The following DSCAM variants were observed in gnomAD, a reference collection of about 807,000 sequenced individuals.
DSCAM encodes the protein DS cell adhesion molecule.
A neutral mutation model predicts 217.7 loss-of-function variants in DSCAM; 47 were observed. The ratio of observed to expected loss-of-function variants is 0.22; its 90% CI spans 0.17 to 0.28. The LOEUF (loss-of-function observed/expected upper bound fraction) is 0.28. Ranked by LOEUF, DSCAM falls within the 10% of genes least tolerant of loss-of-function variation. The pLI is 1.00. For synonymous variants in DSCAM, 1,056 were observed against 1,015.3 expected (o/e 1.04, Z -0.76); for missense variants, 2,080 against 2,618.3 (o/e 0.79, Z 4.49).
rs368948095 is a variant in DSCAM at position 40,014,586 on chromosome 21, A to T, written c.5687-1200T>A. ...GGCATCCTTTGCTCAGGGATACCCC[A>T]TCAGCCTCACTGCAGCCTTCTCAGA... On this transcript the variant is annotated intron_variant, in intron 32 of 32. Coordinates refer to ENST00000400454, the MANE Select transcript of DSCAM (RefSeq NM_001389.5). 1.4e-4 allele frequency among the ~76,000 whole-genome samples: 21 copies of T among 152,224 alleles called. No individual in the cohort carries two copies. In the South Asian group the frequency reaches 4.4e-3, roughly 32 times the overall value.
At chr21:40,600,406 A>G (rs2077053484) in intron 3 of DSCAM, among the ~76,000 whole-genome samples, 1 of 152,094 alleles carries the variant, frequency 6.6e-6, no homozygotes, top group South Asian at 2.1e-4. Context: ...GGTCTTTATT[A>G]TATGGGCACT....
intron 3 of DSCAM, among the ~76,000 whole-genome samples, chr21:40,473,041 TGAG>T (rs1233394575): frequency 2.6e-5 from 4 of 152,194 alleles, no homozygotes; most frequent in African/African-American, 7.2e-5. Flanking sequence ...CGGATTTATT[TGAG>T]GAGAAGTATC....
At chr21:40,323,867 G>A (rs2074286799) in intron 8 of DSCAM, among the ~76,000 whole-genome samples, 5 of 152,080 alleles carry the variant, frequency 3.3e-5, no homozygotes, top group Admixed American at 2.0e-4. Flanking sequence ...ACTTTGGGAG[G>A]CTGAGGTGGG....
intron 27 of DSCAM, among the ~76,000 whole-genome samples, chr21:40,070,059 C>A (rs2089268662): frequency 1.3e-5 from 2 of 151,876 alleles, no homozygotes; most frequent in Non-Finnish European, 2.9e-5. Context: ...TCCCCCTCAC[C>A]CCCATGCTCT....
chr21:40,799,591 G>T (rs923507285), intron 1 of DSCAM, among the ~76,000 whole-genome samples: 4 of 152,162 alleles, frequency 2.6e-5, no homozygotes, highest in Non-Finnish European at 5.9e-5. Flanking sequence ...GGAACATGGG[G>T]AATATCTGAT....
At chr21:40,273,463 G>A (rs898252344) in intron 11 of DSCAM, among the ~76,000 whole-genome samples, 1 of 152,118 alleles carries the variant, frequency 6.6e-6, no homozygotes, top group Non-Finnish European at 1.5e-5. Context: ...TCTCCTCCAT[G>A]TACTGTAGAA....
At chr21:40,350,342 T>C (rs376465995) in intron 5 of DSCAM, among the ~76,000 whole-genome samples, 9 of 152,248 alleles carry the variant, frequency 5.9e-5, no homozygotes, top group Non-Finnish European at 1.0e-4. Flanking sequence ...ACTATCAGAA[T>C]GAACAGGCAA....
chr21:40,428,122 C>T (rs1054080011), intron 3 of DSCAM, among the ~76,000 whole-genome samples: 1 of 152,090 alleles, frequency 6.6e-6, no homozygotes, highest in African/African-American at 2.4e-5. Context: ...TTGGCATGTT[C>T]AACACCAAAG....
intron 3 of DSCAM, among the ~76,000 whole-genome samples, chr21:40,687,505 G>A (rs1302407846): frequency 3.3e-5 from 5 of 152,030 alleles, no homozygotes; most frequent in Middle Eastern, 6.8e-3. Flanking sequence ...CAAAGCAGAG[G>A]CCCCCCACAG....
At chr21:40,766,859 T>C (rs1204332647) in intron 1 of DSCAM, among the ~76,000 whole-genome samples, 2 of 151,984 alleles carry the variant, frequency 1.3e-5, no homozygotes, top group South Asian at 2.1e-4. Context: ...CTAATTTTTA[T>C]ATTTTTAGTA....
intron 20 of DSCAM, among the ~76,000 whole-genome samples, chr21:40,098,025 G>T (rs2089705396): frequency 2.2e-5 from 3 of 137,958 alleles, no homozygotes; most frequent in East Asian, 2.1e-4. Flanking sequence ...AAATGTACTT[G>T]AAATATAAAA....
chr21:40,218,106 G>A (rs2091259614), intron 11 of DSCAM, among the ~76,000 whole-genome samples: 1 of 152,060 alleles, frequency 6.6e-6, no homozygotes, highest in Non-Finnish European at 1.5e-5. Flanking sequence ...TGCCTAGGTT[G>A]TCTTCCAGGG....
At chr21:40,648,592 C>T (rs1450448615) in intron 3 of DSCAM, among the ~76,000 whole-genome samples, 1 of 152,084 alleles carries the variant, frequency 6.6e-6, no homozygotes, top group Non-Finnish European at 1.5e-5. Context: ...TTGATCCCCA[C>T]CCTTCATCTA....
At chr21:40,178,024 G>A (rs1036484627) in intron 15 of DSCAM, among the ~76,000 whole-genome samples, 1 of 151,954 alleles carries the variant, frequency 6.6e-6, no homozygotes, top group Admixed American at 6.6e-5. Flanking sequence ...GAAGAGGTAG[G>A]TTTGGGAGCT....
intron 8 of DSCAM, 86 bp from the exon 9 acceptor site, chr21:40,312,445 A>G: frequency 7.0e-7 from 1 of 1,438,188 alleles, no homozygotes; most frequent in Non-Finnish European, 9.4e-7. Flanking sequence ...CTGAAAGGGT[A>G]GTACAGACGA....
At position 40,600,355 on chromosome 21, in the gene DSCAM, C is replaced by G. The variant is rs541094174; in HGVS notation, c.508+92455G>C. Among the ~76,000 whole-genome samples the G allele has an allele frequency of 1.3e-5, 2 of 152,236 alleles. 1 individual carries two copies. Among genetic ancestry groups the G allele is most frequent in the South Asian group, 4.2e-4 (2 of 4,818 alleles). On this transcript the variant is annotated intron_variant, in intron 3 of 32. Transcript: ENST00000400454. The stretch of plus-strand genomic sequence containing the variant: ...TCTGGTTCATAGATGGTGATTCTTG[C>G]TACGTCCTCACATGGTGGAAGAGAC...
intron 3 of DSCAM, among the ~76,000 whole-genome samples, chr21:40,450,690 G>C (rs527802313): frequency 6.6e-6 from 1 of 152,142 alleles, no homozygotes; most frequent in Non-Finnish European, 1.5e-5. Flanking sequence ...AGGGCTCACA[G>C]GGTCTATGTT....
rs918093483 is a variant in DSCAM at position 40,669,497 on chromosome 21, A to C, written c.508+23313T>G. 3.3e-5 allele frequency among the ~76,000 whole-genome samples: 5 copies of C among 152,318 alleles called. No homozygotes were observed. The South Asian group carries it at 1.0e-3, about 32-fold the overall frequency. The stretch of plus-strand genomic sequence containing the variant: ...ATCTCTGCTTTCCTGTAGCTTATAC[A>C]CTAGTTGTCTATAATTCAGTCACCA... On this transcript the variant is annotated intron_variant, in intron 3 of 32. Coordinates refer to ENST00000400454, the MANE Select transcript of DSCAM (RefSeq NM_001389.5).
chr21:40,236,427 T>C (rs567965127), intron 11 of DSCAM, among the ~76,000 whole-genome samples: 17 of 152,268 alleles, frequency 1.1e-4, no homozygotes, highest in African/African-American at 3.8e-4. Context: ...TGGGCTAGTT[T>C]ATCCTTCCAA....
Sources: gnomAD v4.1 joint callset for allele counts (sites outside exome capture counted in the v4.1 genomes callset) on GRCh38, gnomAD v4.1.1 for gene constraint, MANE v1.5 for transcripts, NCBI Gene and HGNC (gene_info 2026-07-23, HGNC 2026-07-21) for gene names.